The following ISM1 variants were observed in gnomAD, a reference collection of about 807,000 sequenced individuals.
The protein encoded by ISM1 is isthmin 1.
A neutral mutation model predicts 46.3 loss-of-function variants in ISM1; 25 were observed. The observed-to-expected ratio is 0.54, with a 90% CI of 0.39 to 0.75. ISM1 has a LOEUF of 0.75. ISM1 is among the 30% of genes least tolerant of loss of function. The probability of loss-of-function intolerance (pLI) is 0.00; values close to 1 mark genes in which losing one functional copy is unlikely to be tolerated. For synonymous variants in ISM1, 255 were observed against 256.7 expected, an observed-to-expected ratio of 0.99 and a Z score of 0.06; for missense variants, 536 against 625.4, an observed-to-expected ratio of 0.86 and a Z score of 1.52.
the ISM1 span, among the ~76,000 whole-genome samples, chr20:13,312,090 T>C: frequency 6.6e-6 from 1 of 152,216 alleles, no homozygotes; most frequent in Non-Finnish European, 1.5e-5. Flanking sequence ...AAAGAACATA[T>C]ATATATCTTA....
chr20:13,292,798 G>A (rs765006345), intron 5 of ISM1, among the ~76,000 whole-genome samples: 44 of 152,258 alleles, frequency 2.9e-4, no homozygotes, highest in Non-Finnish European at 5.0e-4. Flanking sequence ...TTCATTGAGC[G>A]TCCTCAAGAA....
intron 1 of ISM1, among the ~76,000 whole-genome samples, chr20:13,264,055 G>A (rs1431342966): frequency 6.6e-6 from 1 of 152,070 alleles, no homozygotes; most frequent in African/African-American, 2.4e-5. Flanking sequence ...ATCTAACTAG[G>A]CCCTCGTTAC....
intron 1 of ISM1, among the ~76,000 whole-genome samples, chr20:13,235,225 T>C (rs1311919360): frequency 6.6e-6 from 1 of 152,234 alleles, no homozygotes. Context: ...TCTCCCATTC[T>C]TTTGTGACCA....
Position 13,281,207 on chromosome 20 carries a change from C to T in ISM1, c.643+1309C>T, listed in dbSNP as rs1600547762. 2.6e-5 allele frequency among the ~76,000 whole-genome samples: 4 copies of T among 152,276 alleles called. No homozygotes were observed. In the Middle Eastern group the frequency reaches 0.014, roughly 518 times the overall value. ...AAATGAGCAAGGCATAGTCTGTCCC[C>T]AGAACAGATCTCACCAATCTGTGGA... On this transcript the variant is annotated intron_variant, in intron 3 of 5. Transcript: ENST00000262487.
chr20:13,291,171 G>A (rs8116734), intron 4 of ISM1, among the ~76,000 whole-genome samples: 2,516 of 152,234 alleles, frequency 0.017, 74 homozygotes, highest in African/African-American at 0.057. Flanking sequence ...TTCTGTCACC[G>A]CGGAGAGCAG....
At chr20:13,278,398 C>G (rs911641) in intron 2 of ISM1, among the ~76,000 whole-genome samples, 66,485 of 151,970 alleles carry the variant, frequency 0.44, 15,833 homozygotes, top group African/African-American at 0.64. Flanking sequence ...GGGAAAGCCT[C>G]GTCTTGAGGA....
rs1348143126 is a variant in ISM1 at position 13,247,522 on chromosome 20, G to GTGTGTGTGTC, written c.139-22973_139-22972insCTGTGTGTGT. Reference sequence around the variant, plus strand: ...TTTCTGGCAGCAAAGTGAGGGGTGTGTGTGTGTGTGTGTGTGTGTGTGTGT... The same window carrying GTGTGTGTGTC: ...TTTCTGGCAGCAAAGTGAGGGGTGTGTGTGTGTGTCTGTGTGTGTGTGTGTGTGTGTGTGT... On this transcript the variant is annotated intron_variant, in intron 1 of 5. Transcript: ENST00000262487. 1.6e-3 allele frequency among the ~76,000 whole-genome samples: 161 copies of GTGTGTGTGTC among 100,110 alleles called. 2 individuals carry two copies. Among genetic ancestry groups the GTGTGTGTGTC allele is most frequent in the Admixed American group, 3.5e-3 (35 of 10,014 alleles). The allele number at this position is 100,110 out of a possible 152,430, so 65.7% of individuals were successfully genotyped here.
intron 1 of ISM1, among the ~76,000 whole-genome samples, chr20:13,247,517 G>GGTGTGTGTGTGTGTCTGTGTCTGTGTGT (rs55680207): frequency 7.2e-6 from 1 of 139,806 alleles, no homozygotes; most frequent in South Asian, 2.3e-4. Flanking sequence ...CAAAGTGAGG[G>GGTGTGTGTGTGTGTCTGTGTCTGTGTGT]GTGTGTGTGT....
intron 1 of ISM1, among the ~76,000 whole-genome samples, chr20:13,260,288 C>T (rs1007225904): frequency 1.3e-5 from 2 of 152,160 alleles, no homozygotes; most frequent in African/African-American, 4.8e-5. Context: ...TCTAGTAGCA[C>T]ACAGAGCTGT....
At chr20:13,323,712 C>T in the ISM1 span, among the ~76,000 whole-genome samples, 1 of 152,086 alleles carries the variant, frequency 6.6e-6, no homozygotes, top group South Asian at 2.1e-4. Context: ...GAGTTAATTA[C>T]TAAAAGAATG....
Position 13,221,921 on chromosome 20 carries a change from G to T in ISM1, c.138+7G>T, listed in dbSNP as rs1403064501. 7.5e-7 allele frequency: 1 copy of T among 1,337,114 alleles called. No homozygotes were observed. Among genetic ancestry groups the T allele is most frequent in the Non-Finnish European group, 9.5e-7 (1 of 1,051,378 alleles). The allele number at this position is 1,337,114 out of a possible 1,614,324, so 82.8% of individuals were successfully genotyped here. A position where few individuals can be genotyped will look rare whatever the true frequency, so the allele number is the denominator to read the frequency against. ...CAGCCAAGCCCAGCTGCAGGTGAGT[G>T]CGCCGCCGGAGAGGGCCGTGCGCGG... On this transcript the variant is annotated splice_region_variant and intron_variant, in intron 1 of 5. Coordinates refer to ENST00000262487, the MANE Select transcript of ISM1 (RefSeq NM_080826.2).
At chr20:13,256,286 T>C (rs372153945) in intron 1 of ISM1, among the ~76,000 whole-genome samples, 20 of 151,304 alleles carry the variant, frequency 1.3e-4, no homozygotes, top group African/African-American at 4.6e-4. Flanking sequence ...ATCCCAGCTA[T>C]TCAGGAGGCT....
intron 3 of ISM1, among the ~76,000 whole-genome samples, chr20:13,286,084 C>A (rs970594482): frequency 6.6e-6 from 1 of 152,136 alleles, no homozygotes; most frequent in Non-Finnish European, 1.5e-5. Context: ...CTCATTCCCC[C>A]TTTTTATGAG....
chr20:13,256,073 G>A (rs1388861662), intron 1 of ISM1, among the ~76,000 whole-genome samples: 1 of 152,042 alleles, frequency 6.6e-6, no homozygotes, highest in Non-Finnish European at 1.5e-5. Flanking sequence ...TGTGTCCTGG[G>A]CCCTGGCTTG....
intron 3 of ISM1, among the ~76,000 whole-genome samples, chr20:13,281,284 A>G (rs2040236031): frequency 6.6e-6 from 1 of 152,220 alleles, no homozygotes; most frequent in African/African-American, 2.4e-5. Flanking sequence ...GTAGAGATGT[A>G]CATCAAATGC....
chr20:13,253,111 A>G (rs1335844120), intron 1 of ISM1, among the ~76,000 whole-genome samples: 1 of 152,190 alleles, frequency 6.6e-6, no homozygotes, highest in East Asian at 1.9e-4. Context: ...CATTTGGGGT[A>G]CTTGCTACCC....
chr20:13,292,117 C>T (rs1201433663), intron 4 of ISM1, among the ~76,000 whole-genome samples: 2 of 152,200 alleles, frequency 1.3e-5, no homozygotes, highest in Admixed American at 6.5e-5. Context: ...CATCCCTGGG[C>T]TCAGTGAGTG....
At chr20:13,292,509 G>A (rs545282238) in intron 5 of ISM1, 46 bp downstream of exon 5, 28 of 1,228,128 alleles carry the variant, frequency 2.3e-5, no homozygotes, top group South Asian at 1.5e-4. Context: ...TTAGTGCCTC[G>A]GAGATTCCTT....
intron 1 of ISM1, among the ~76,000 whole-genome samples, chr20:13,259,698 A>G (rs954579042): frequency 6.6e-6 from 1 of 152,230 alleles, no homozygotes; most frequent in African/African-American, 2.4e-5. Context: ...CTAGACAAAA[A>G]CATTTCTATA....
Sources: gnomAD v4.1 joint callset for allele counts (sites outside exome capture counted in the v4.1 genomes callset) on GRCh38, gnomAD v4.1.1 for gene constraint, MANE v1.5 for transcripts, NCBI Gene and HGNC (gene_info 2026-07-23, HGNC 2026-07-21) for gene names.